GEMIN5: variants seen among roughly 807,000 people sequenced by gnomAD.
The protein encoded by GEMIN5 is gem-associated protein 5.
Under a neutral mutation model 176.9 loss-of-function variants are expected in GEMIN5, and 124 were observed. The observed-to-expected ratio is 0.70, with a 90% CI of 0.61 to 0.81. GEMIN5 has a LOEUF of 0.81. Among genes scored for constraint, GEMIN5 ranks in the 40% least tolerant of loss-of-function variants. The pLI, the probability that GEMIN5 is intolerant of heterozygous loss-of-function variation, is 0.00. For synonymous variants in GEMIN5, 673 were observed against 665.2 expected, an observed-to-expected ratio of 1.01 and a Z score of -0.18; for missense variants, 1,843 against 1,814.6, an observed-to-expected ratio of 1.02 and a Z score of -0.28.
chr5:154,904,980 G>A (rs1561715030), intron 17 of GEMIN5, among the ~76,000 whole-genome samples: 1 of 151,918 alleles, frequency 6.6e-6, no homozygotes, highest in African/African-American at 2.4e-5. Context: ...ATCACTGGAG[G>A]CCAGCAGTTC....
chr5:154,911,947 T>C, intron 14 of GEMIN5, 49 bp from the exon 15 acceptor site: 1 of 1,524,020 alleles, frequency 6.6e-7, no homozygotes, highest in Non-Finnish European at 8.9e-7. Context: ...GTTATTCTAT[T>C]GTTTGGGCAG....
At position 154,938,191 on chromosome 5, in the gene GEMIN5, G is replaced by A. The variant is rs533925828; in HGVS notation, c.-58C>T. ...CACAGCCGACCGCTCGTAGCCTCAC[G>A]CCTTAGGTAGGGAGCGGGGCGGGGT... On this transcript the variant is annotated 5_prime_UTR_variant, in exon 1 of 28. Coordinates refer to ENST00000285873, the MANE Select transcript of GEMIN5 (RefSeq NM_015465.5). The A allele has an allele frequency of 7.9e-7, 1 of 1,271,510 alleles. No homozygotes were observed. The highest frequency in any genetic ancestry group is 1.0e-6 in the Non-Finnish European group (1 of 989,128). 78.8% of individuals were successfully genotyped at this position (1,271,510 alleles called of 1,614,324 possible).
At chr5:154,890,591 G>C (rs1763203922) in intron 26 of GEMIN5, among the ~76,000 whole-genome samples, 1 of 151,472 alleles carries the variant, frequency 6.6e-6, no homozygotes, top group Non-Finnish European at 1.5e-5. Context: ...AGCCTCCTGA[G>C]TAGCTGGGAC....
At chr5:154,928,480 T>C (rs1389821865) in intron 6 of GEMIN5, 47 bp downstream of exon 6, 21 of 1,596,998 alleles carry the variant, frequency 1.3e-5, no homozygotes, top group Admixed American at 3.4e-5. Context: ...TGAGGCCAAA[T>C]AGAAAAACAA....
intron 24 of GEMIN5, 89 bp from the exon 25 acceptor site, chr5:154,892,638 G>A (rs1763259285): frequency 7.9e-7 from 1 of 1,259,248 alleles, no homozygotes; most frequent in Non-Finnish European, 1.1e-6. Flanking sequence ...ACCGCATTTG[G>A]AAACAAGTAC....
At chr5:154,915,672 G>T (rs992266075) in intron 13 of GEMIN5, among the ~76,000 whole-genome samples, 1 of 152,170 alleles carries the variant, frequency 6.6e-6, no homozygotes, top group African/African-American at 2.4e-5. Context: ...TAATCATTGG[G>T]AAAATGAGGA....
intron 8 of GEMIN5, among the ~76,000 whole-genome samples, chr5:154,925,449 T>G (rs1447376335): frequency 6.6e-6 from 1 of 152,208 alleles, no homozygotes; most frequent in Non-Finnish European, 1.5e-5. Flanking sequence ...AAATTACACA[T>G]ACTGTTTTAT....
At chr5:154,900,203 A>C (rs1307786103) in intron 21 of GEMIN5, among the ~76,000 whole-genome samples, 2 of 152,244 alleles carry the variant, frequency 1.3e-5, no homozygotes, top group Non-Finnish European at 1.5e-5. Flanking sequence ...TGGGTATTTT[A>C]TAATAAGATA....
At chr5:154,910,045 CT>C (rs1258211904) in intron 15 of GEMIN5, among the ~76,000 whole-genome samples, 1 of 151,488 alleles carries the variant, frequency 6.6e-6, no homozygotes, top group Non-Finnish European at 1.5e-5. Context: ...TGCCTGGCTG[CT>C]TCTGCTTGGC....
chr5:154,930,662 G>A (rs1209680561), intron 5 of GEMIN5, among the ~76,000 whole-genome samples: 1 of 152,186 alleles, frequency 6.6e-6, no homozygotes, highest in East Asian at 1.9e-4. Flanking sequence ...AGAGCTGAAA[G>A]CAGAATGATG....
At chr5:154,891,881 A>G (rs1176422147) in intron 25 of GEMIN5, 139 bp from the exon 26 acceptor site, 2 of 809,326 alleles carry the variant, frequency 2.5e-6, no homozygotes, top group African/African-American at 1.7e-5. Flanking sequence ...CCACCGGGCC[A>G]CATGCCTTTC....
chr5:154,893,965 G>C (rs1371611820), intron 24 of GEMIN5, among the ~76,000 whole-genome samples: 2 of 151,920 alleles, frequency 1.3e-5, no homozygotes, highest in Non-Finnish European at 2.9e-5. Context: ...CTTTTTTTGA[G>C]ACAGGGTCTC....
chr5:154,888,020 G>C lies in GEMIN5; in HGVS notation c.*190C>G. ...TTCCCTCCAGTAGGAGACCACAATT[G>C]AGTCTAAAGTCAGATCCACCGTTGT... On this transcript the variant is annotated 3_prime_UTR_variant, in exon 28 of 28. Transcript: ENST00000285873. 1.7e-6 allele frequency: 1 copy of C among 578,544 alleles called. No homozygotes were observed. The highest frequency in any genetic ancestry group is 3.0e-5 in the East Asian group (1 of 33,246). The allele number at this position is 578,544 out of a possible 1,614,324, so 35.8% of individuals were successfully genotyped here. A position where few individuals can be genotyped will look rare whatever the true frequency, so the allele number is the denominator to read the frequency against.
chr5:154,914,171 C>G lies in GEMIN5; in HGVS notation c.1856-1133G>C, dbSNP rs374554808. On this transcript the variant is annotated intron_variant, in intron 13 of 27. Coordinates refer to ENST00000285873, the MANE Select transcript of GEMIN5 (RefSeq NM_015465.5). Reference sequence around the variant, plus strand: ...GAGTAGCTGGGATTATAGGCATGCACCACCAAGCCCAGCTAATTTTTGTAT... The same window carrying G: ...GAGTAGCTGGGATTATAGGCATGCAGCACCAAGCCCAGCTAATTTTTGTAT... Among the ~76,000 whole-genome samples, 10 of 152,236 alleles carry G rather than the reference C, an allele frequency of 6.6e-5. No homozygotes were observed. The East Asian group carries it at 1.7e-3, about 27-fold the overall frequency.
At position 154,938,161 on chromosome 5, in the gene GEMIN5, G is replaced by A. The variant is rs1196971156; in HGVS notation, c.-28C>T. 8.9e-6 allele frequency: 12 copies of A among 1,344,732 alleles called. No individual in the cohort carries two copies. Among genetic ancestry groups the A allele is most frequent in the African/African-American group, 1.5e-5 (1 of 66,468 alleles). The allele number at this position is 1,344,732 out of a possible 1,614,324, so 83.3% of individuals were successfully genotyped here. ...CTACAAGCCGTCAGAGACAAGAGAA[G>A]CTGCCACAGCCGACCGCTCGTAGCC... On this transcript the variant is annotated 5_prime_UTR_variant, in exon 1 of 28. Coordinates refer to ENST00000285873, the MANE Select transcript of GEMIN5 (RefSeq NM_015465.5).
chr5:154,925,818 G>T, intron 8 of GEMIN5, 44 bp downstream of exon 8: 1 of 1,092,212 alleles, frequency 9.2e-7, no homozygotes. Flanking sequence ...AGAATTATTT[G>T]GAAAAAAAAA....
At chr5:154,929,644 C>T (rs1187906377) in intron 5 of GEMIN5, among the ~76,000 whole-genome samples, 2 of 152,248 alleles carry the variant, frequency 1.3e-5, no homozygotes, top group African/African-American at 2.4e-5. Flanking sequence ...TTTTACCAGA[C>T]ACCTCTAAGT....
At chr5:154,899,033 C>T (rs1444684543) in intron 22 of GEMIN5, among the ~76,000 whole-genome samples, 158 bp downstream of exon 22, 1 of 152,148 alleles carries the variant, frequency 6.6e-6, no homozygotes, top group Non-Finnish European at 1.5e-5. Context: ...GAAGTAGTTC[C>T]TGATGAGTCT....
intron 3 of GEMIN5, among the ~76,000 whole-genome samples, chr5:154,934,891 T>C (rs1489220381): frequency 6.6e-6 from 1 of 152,238 alleles, no homozygotes; most frequent in Non-Finnish European, 1.5e-5. Context: ...AACTTGACTC[T>C]ACCACTCTGA....
Sources: allele counts gnomAD v4.1 joint callset (sites outside exome capture counted in the v4.1 genomes callset), GRCh38; gene constraint gnomAD v4.1.1; transcripts MANE v1.5; gene names NCBI Gene and HGNC (gene_info 2026-07-23, HGNC 2026-07-21).